The following FGGY variants were observed in gnomAD, a reference collection of about 807,000 sequenced individuals.
FGGY encodes the protein FGGY carbohydrate kinase domain-containing protein.
A neutral mutation model predicts 71.3 loss-of-function variants in FGGY; 72 were observed. That is an observed-to-expected ratio of 1.01 (90% CI 0.84 to 1.23). FGGY has a LOEUF of 1.23. FGGY is among the 50% of genes most tolerant of loss of function. FGGY has a pLI of 0.00. For missense variants in FGGY, 668 were observed against 682.3 expected, an observed-to-expected ratio of 0.98 and a Z score of 0.23; for synonymous variants, 251 against 250.3, an observed-to-expected ratio of 1.00 and a Z score of -0.02.
intron 5 of FGGY, among the ~76,000 whole-genome samples, chr1:59,408,883 G>GAGCTTCC (rs2063168252): frequency 6.6e-6 from 1 of 152,148 alleles, no homozygotes; most frequent in Non-Finnish European, 1.5e-5. Context: ...AAGCTCAGGA[G>GAGCTTCC]AGCTTCCACA....
chr1:59,462,694 C>T (rs573036634), intron 6 of FGGY, among the ~76,000 whole-genome samples: 1 of 152,054 alleles, frequency 6.6e-6, no homozygotes, highest in Admixed American at 6.6e-5. Flanking sequence ...GCAGCCAAAA[C>T]ACACATGAAA....
intron 6 of FGGY, among the ~76,000 whole-genome samples, chr1:59,495,696 A>T (rs983484727): frequency 1.3e-5 from 2 of 152,172 alleles, no homozygotes; most frequent in South Asian, 4.1e-4. Flanking sequence ...AATCTTCTGC[A>T]TATGGCTAGT....
intron 14 of FGGY, among the ~76,000 whole-genome samples, chr1:59,701,607 A>T (rs2097710434): frequency 6.6e-6 from 1 of 152,196 alleles, no homozygotes; most frequent in Non-Finnish European, 1.5e-5. Flanking sequence ...GCTATGCCTC[A>T]GCTTTGGGGA....
intron 6 of FGGY, among the ~76,000 whole-genome samples, chr1:59,463,298 C>G (rs7542842): frequency 0.44 from 67,025 of 151,900 alleles, 15,010 homozygotes; most frequent in Middle Eastern, 0.5. Context: ...ATCCTTTACA[C>G]ACAAGCAAAT....
chr1:59,457,146 G>C, intron 6 of FGGY, 70 bp downstream of exon 6: 2 of 1,134,768 alleles, frequency 1.8e-6, no homozygotes, highest in Non-Finnish European at 1.3e-6. Context: ...TTGTTATTGT[G>C]GTTTGTATGT....
intron 14 of FGGY, among the ~76,000 whole-genome samples, chr1:59,709,499 C>CAT (rs1449266053): frequency 3.6e-4 from 54 of 152,024 alleles, no homozygotes; most frequent in African/African-American, 1.3e-3. Flanking sequence ...CACACACACA[C>CAT]ACTGGAAGAG....
chr1:59,317,156 A>G (rs1244157467), intron 1 of FGGY, among the ~76,000 whole-genome samples: 1 of 152,226 alleles, frequency 6.6e-6, no homozygotes, highest in East Asian at 1.9e-4. Context: ...ATGGAGTCAC[A>G]TGGTGATCTG....
intron 14 of FGGY, among the ~76,000 whole-genome samples, chr1:59,686,661 C>T (rs1252946409): frequency 6.6e-6 from 1 of 151,916 alleles, no homozygotes; most frequent in Non-Finnish European, 1.5e-5. Context: ...AAATATAGGT[C>T]TCCAGAAATT....
chr1:59,740,064 G>A (rs2098135284), intron 14 of FGGY, among the ~76,000 whole-genome samples: 1 of 152,186 alleles, frequency 6.6e-6, no homozygotes, highest in Non-Finnish European at 1.5e-5. Flanking sequence ...TGTGCATGAT[G>A]GGAACCTCTC....
Position 59,667,371 on chromosome 1 carries a change from C to T in FGGY, c.1385C>T (p.Pro462Leu), listed in dbSNP as rs1435908840. The change falls in exon 13 of 16, where the codon CCC (proline) becomes CTC (leucine). Residue 462 changes from proline (P) to leucine (L), a missense_variant. This residue lies in a region of FGGY where 661 missense variants were observed against 661.6 expected (regional missense o/e 1.00). Coordinates refer to ENST00000303721, the MANE Select transcript of FGGY (RefSeq NM_018291.5). ...CTATGTGGAGGCCTCAGCAAGAATC[C>T]CCTTTTTGTGCAAATGCATGCGGAC... ...LFLCGGLSKN[P>L]LFVQMHADIT... The T allele has an allele frequency of 1.9e-6, 3 of 1,614,014 alleles. No homozygotes were observed. The highest frequency in any genetic ancestry group is 1.3e-5 in the African/African-American group (1 of 74,918).
At chr1:59,305,196 G>C (rs1366593160) in intron 1 of FGGY, among the ~76,000 whole-genome samples, 3 of 152,142 alleles carry the variant, frequency 2.0e-5, no homozygotes, top group Non-Finnish European at 2.9e-5. Context: ...CTTTGGGCTT[G>C]TCATATATAG....
intron 8 of FGGY, among the ~76,000 whole-genome samples, chr1:59,583,651 C>A (rs2096233260): frequency 7.0e-6 from 1 of 142,146 alleles, no homozygotes; most frequent in Admixed American, 6.9e-5. Flanking sequence ...TGGGAGAGCA[C>A]CTTTGCCCTT....
At chr1:59,372,384 T>C (rs2057823235) in intron 4 of FGGY, among the ~76,000 whole-genome samples, 3 of 152,256 alleles carry the variant, frequency 2.0e-5, no homozygotes, top group East Asian at 1.9e-4. Context: ...CTGAATAGAC[T>C]AATAACAGGC....
intron 8 of FGGY, among the ~76,000 whole-genome samples, chr1:59,587,520 C>A (rs1402713769): frequency 4.6e-5 from 7 of 152,186 alleles, no homozygotes; most frequent in Admixed American, 4.6e-4. Context: ...CCCTGACCCC[C>A]AAGCAGCCTA....
chr1:59,725,963 G>A (rs935068994), intron 14 of FGGY, among the ~76,000 whole-genome samples: 1 of 152,056 alleles, frequency 6.6e-6, no homozygotes, highest in African/African-American at 2.4e-5. Flanking sequence ...GAATAGGAGT[G>A]GTGAGAAAGG....
chr1:59,633,257 G>T (rs144423315), intron 10 of FGGY, among the ~76,000 whole-genome samples: 14 of 152,184 alleles, frequency 9.2e-5, no homozygotes, highest in Admixed American at 8.5e-4. Context: ...TGGTCTGCCC[G>T]CCTCGGCCTC....
intron 14 of FGGY, among the ~76,000 whole-genome samples, chr1:59,688,411 G>A (rs975602756): frequency 2.6e-5 from 4 of 152,162 alleles, no homozygotes; most frequent in Non-Finnish European, 5.9e-5. Flanking sequence ...GTTCCTCAAA[G>A]TTTTCTAATC....
intron 8 of FGGY, among the ~76,000 whole-genome samples, chr1:59,565,601 G>T (rs1314878024): frequency 6.6e-6 from 1 of 152,168 alleles, no homozygotes; most frequent in Non-Finnish European, 1.5e-5. Flanking sequence ...TTACAGATAG[G>T]TTTGCCACTC....
chr1:59,689,881 C>T (rs2097575405), intron 14 of FGGY, among the ~76,000 whole-genome samples: 1 of 152,156 alleles, frequency 6.6e-6, no homozygotes, highest in Non-Finnish European at 1.5e-5. Context: ...CTCCCTCCTC[C>T]CTCCCCAACC....
Sources: allele counts gnomAD v4.1 joint callset (sites outside exome capture counted in the v4.1 genomes callset), GRCh38; gene constraint gnomAD v4.1.1; regional missense constraint gnomAD v4.1.1; transcripts MANE v1.5; gene names NCBI Gene and HGNC (gene_info 2026-07-23, HGNC 2026-07-21).